Variants in DNAH2 observed in about 807,000 individuals in gnomAD.
DNAH2 encodes the protein dynein axonemal heavy chain 2, also known as axonemal beta dynein heavy chain 2.
Under a neutral mutation model 523.5 loss-of-function variants are expected in DNAH2, and 323 were observed. That is an observed-to-expected ratio of 0.62 (90% confidence interval 0.56 to 0.68). The LOEUF is 0.68. DNAH2 is among the 30% of genes least tolerant of loss of function. DNAH2 has a pLI of 0.00. For missense variants in DNAH2, 4,907 were observed against 5,701.5 expected, an observed-to-expected ratio of 0.86 and a Z score of 4.49; for synonymous variants, 2,093 against 2,177.4, an observed-to-expected ratio of 0.96 and a Z score of 1.08.
At chr17:7,824,961 C>T (rs193220765) in intron 77 of DNAH2, among the ~76,000 whole-genome samples, 8 of 152,284 alleles carry the variant, frequency 5.3e-5, no homozygotes, top group Non-Finnish European at 4.4e-5. Flanking sequence ...TTTATTAACT[C>T]GTTTAATATG....
chr17:7,740,098 G>A (rs561492269), intron 9 of DNAH2, among the ~76,000 whole-genome samples, 160 bp downstream of exon 9: 2 of 145,630 alleles, frequency 1.4e-5, no homozygotes, highest in Admixed American at 1.4e-4. Flanking sequence ...TGCAGGGGAG[G>A]GGGGTGGCAG....
rs2076486878 is a variant in DNAH2, at chr17:7,777,463, G to T, written c.5076G>T (p.Lys1692Asn). The T allele has an allele frequency of 6.2e-7, 1 of 1,614,024 alleles. No homozygotes were observed. Among genetic ancestry groups the T allele is most frequent in the Non-Finnish European group, 8.5e-7 (1 of 1,180,020 alleles). Residue 1692 changes from lysine to asparagine, a missense_variant, in exon 33 of 86, where the codon AAG becomes AAT. Lys to Asn is a moderately conservative substitution (Grantham distance 94, BLOSUM62 0). Coordinates refer to ENST00000572933, the MANE Select transcript of DNAH2 (RefSeq NM_020877.5). ...TGCCACAGGTGTCAATCCTGAATAAGTATTCAGAAGCCATCAGGGGGAACT... is the reference window on the plus strand; with the variant it reads ...TGCCACAGGTGTCAATCCTGAATAATTATTCAGAAGCCATCAGGGGGAACT... The part of the protein sequence containing the change: ...MKKNQVSILN[K>N]YSEAIRGNLT...
chr17:7,759,747 C>A (rs1234790433), intron 16 of DNAH2, 44 bp from the exon 17 acceptor site: 1 of 1,612,602 alleles, frequency 6.2e-7, no homozygotes, highest in East Asian at 2.2e-5. Context: ...GTGACCTTCC[C>A]AGTCCTAAGG....
chr17:7,741,319 C>CTACCTCCTTCCTTCCT (rs2075336496), intron 11 of DNAH2, among the ~76,000 whole-genome samples: 1 of 37,040 alleles, frequency 2.7e-5, no homozygotes, highest in Non-Finnish European at 4.8e-5. Flanking sequence ...CCCTCCCTCC[C>CTACCTCCTTCCTTCCT]TCCCTCCTTC....
rs1313219386 is a variant in DNAH2, at chr17:7,767,943, GGGA to G, written c.3724_3726del (p.Glu1242del). The G allele has an allele frequency of 6.2e-7, 1 of 1,614,008 alleles. No individual in the cohort carries two copies. The highest frequency in any genetic ancestry group is 8.5e-7 in the Non-Finnish European group (1 of 1,180,008). ...CAAATCTGGGAGATCGCACGAGACT[GGGA>G]GGAGAACTGGAATGAGTGGAAGACT... is the stretch of plus-strand genomic sequence containing the variant. On this transcript the variant is annotated inframe_deletion, in exon 23 of 86. Coordinates refer to ENST00000572933, the MANE Select transcript of DNAH2 (RefSeq NM_020877.5).
intron 12 of DNAH2, among the ~76,000 whole-genome samples, chr17:7,745,793 CAAAAA>C (rs5819164): frequency 1.6e-5 from 2 of 123,790 alleles, no homozygotes; most frequent in Admixed American, 8.3e-5. Context: ...CTGTCTCAAA[CAAAAA>C]AAAAAAAAAA....
At position 7,819,333 on chromosome 17, in the gene DNAH2, A is replaced by T. The variant is rs1220522324; in HGVS notation, c.10940A>T (p.Asp3647Val). 1.2e-6 allele frequency: 2 copies of T among 1,614,218 alleles called. No individual in the cohort carries two copies. The highest frequency in any genetic ancestry group is 3.3e-5 in the Admixed American group (2 of 60,026). Reference sequence around the variant, plus strand: ...ATCAGCCTCTTTATTCTCAGCATTGACAAAAGCCACCGCAGCAATAAGCTG... The same window carrying T: ...ATCAGCCTCTTTATTCTCAGCATTGTCAAAAGCCACCGCAGCAATAAGCTG... ...AYISLFILSI[D>V]KSHRSNKLED... Residue 3647 changes from aspartate (D) to valine (V), a missense_variant, in exon 72 of 86, where the codon GAC becomes GTC. Physicochemically the swap from Asp to Val is radical, Grantham distance 152. Around this residue, in one of 3 missense-constraint regions of DNAH2, gnomAD observed 1,851 missense variants for 2,139.4 expected, o/e 0.87. Transcript: ENST00000572933.
chr17:7,786,672 C>A lies in DNAH2; in HGVS notation c.6451C>A (p.Arg2151=), dbSNP rs778867010. The stretch of plus-strand genomic sequence containing the variant: ...AGATGGCATCTTGTCCAGTGTCATG[C>A]GGACGGCATGTGCAGGTATCCAGAG... ...WTDGILSSVM[R]TACADEKPDE... is the part of the protein sequence containing the mutation. Residue 2151 remains arginine, a synonymous_variant, in exon 41 of 86, where the codon CGG becomes AGG. Coordinates refer to ENST00000572933, the MANE Select transcript of DNAH2 (RefSeq NM_020877.5). The surrounding 1 kb of genome is among the most constrained non-coding windows in gnomAD (Gnocchi z 7.5). The A allele has an allele frequency of 6.2e-7, 1 of 1,613,856 alleles. No individual in the cohort carries two copies. Among genetic ancestry groups the A allele is most frequent in the Non-Finnish European group, 8.5e-7 (1 of 1,179,966 alleles).
At chr17:7,805,687 CA>C (rs200534912) in intron 61 of DNAH2, among the ~76,000 whole-genome samples, 3 of 150,446 alleles carry the variant, frequency 2.0e-5, no homozygotes, top group South Asian at 2.1e-4. Flanking sequence ...CCCATCTCTA[CA>C]AAAAAAAATG....
intron 50 of DNAH2, 34 bp downstream of exon 50, chr17:7,796,686 GGCCCA>G (rs1025853629): frequency 7.5e-6 from 12 of 1,590,946 alleles, no homozygotes; most frequent in Non-Finnish European, 9.4e-6. Flanking sequence ...CCTTCTGCTT[GGCCCA>G]GCCTCCGCGG....
intron 44 of DNAH2, among the ~76,000 whole-genome samples, chr17:7,788,751 T>C (rs905516588): frequency 1.3e-5 from 2 of 152,242 alleles, no homozygotes; most frequent in Non-Finnish European, 2.9e-5. Context: ...AATCACTGCC[T>C]ATAAATGGTT....
chr17:7,805,687 C>CAA (rs200534912), intron 61 of DNAH2, among the ~76,000 whole-genome samples: 3 of 150,456 alleles, frequency 2.0e-5, no homozygotes, highest in Non-Finnish European at 4.4e-5. Flanking sequence ...CCCATCTCTA[C>CAA]AAAAAAAAAT....
At chr17:7,778,591 C>CTTAT (rs199828031) in intron 35 of DNAH2, 122 bp downstream of exon 35, 185 of 889,178 alleles carry the variant, frequency 2.1e-4, no homozygotes, top group Middle Eastern at 3.7e-4. Context: ...ACATGTAATT[C>CTTAT]TTATTTATTT....
Position 7,759,071 on chromosome 17 carries a change from G to A in DNAH2, c.2395G>A (p.Val799Met). 3.1e-6 allele frequency: 5 copies of A among 1,614,208 alleles called. No homozygotes were observed. Among genetic ancestry groups the A allele is most frequent in the Non-Finnish European group, 4.2e-6 (5 of 1,180,024 alleles). Residue 799 changes from valine to methionine, a missense_variant, in exon 15 of 86, where the codon GTG becomes ATG. This residue lies in a region of DNAH2 where 2,806 missense variants were observed against 3,190.8 expected (regional missense o/e 0.88). Transcript: ENST00000572933. ...GAAATTGATGAACCTGCACCAGGAT[G>A]TGGTGACCATCATGACCAACTCCTA... ...QQKLMNLHQD[V>M]VTIMTNSYEV...
rs144409789 is a variant in DNAH2, at chr17:7,799,126, G to C, written c.8583G>C (p.Gln2861His). 6.1e-5 allele frequency: 98 copies of C among 1,614,068 alleles called. No homozygotes were observed. The highest frequency in any genetic ancestry group is 4.9e-4 in the Middle Eastern group (3 of 6,084). Reference protein sequence around the residue: ...FEEIQSHIIDQARVEQVPESS... With the variant: ...FEEIQSHIIDHARVEQVPESS... ...AGATCCAGTCGCATATCATAGACCAGGCCCGGGTGGAGCAGGTGCCTGAGT... is the reference window on the plus strand; with the variant it reads ...AGATCCAGTCGCATATCATAGACCACGCCCGGGTGGAGCAGGTGCCTGAGT... The change falls in exon 56 of 86, where the codon CAG becomes CAC. Residue 2861 changes from glutamine to histidine, a missense_variant. Coordinates refer to ENST00000572933, the MANE Select transcript of DNAH2 (RefSeq NM_020877.5).
intron 21 of DNAH2, among the ~76,000 whole-genome samples, chr17:7,765,869 C>G (rs1163163341): frequency 6.6e-6 from 1 of 152,062 alleles, no homozygotes; most frequent in Non-Finnish European, 1.5e-5. Flanking sequence ...CCTCCGCCTC[C>G]CAGGTTCAAA....
At chr17:7,733,000 C>A in intron 4 of DNAH2, 87 bp from the exon 5 acceptor site, 1 of 1,321,716 alleles carries the variant, frequency 7.6e-7, no homozygotes, top group Non-Finnish European at 1.1e-6. Flanking sequence ...CCCTGAGGGA[C>A]GTGAGAAAGA....
intron 46 of DNAH2, 87 bp from the exon 47 acceptor site, chr17:7,792,570 G>A (rs2076928536): frequency 1.7e-6 from 2 of 1,205,372 alleles, no homozygotes; most frequent in Non-Finnish European, 1.2e-6. Context: ...GTGCTGATGA[G>A]ACAGTGGTGA....
rs185136227 is a variant in DNAH2 at position 7,723,468 on chromosome 17, C to T, written c.167-160C>T. ...TGTATTTTTAGTAGAGACGGGGTTTCACTATATTGGCCAGGCTGGTCTCAA... is the reference window on the plus strand; with the variant it reads ...TGTATTTTTAGTAGAGACGGGGTTTTACTATATTGGCCAGGCTGGTCTCAA... On this transcript the variant is annotated intron_variant, in intron 2 of 85. Coordinates refer to ENST00000572933, the MANE Select transcript of DNAH2 (RefSeq NM_020877.5). 6.3e-3 allele frequency among the ~76,000 whole-genome samples: 949 copies of T among 151,834 alleles called. 7 individuals are homozygous for T. The highest frequency in any genetic ancestry group is 0.022 in the African/African-American group (917 of 41,394).
Sources: gnomAD v4.1 joint callset for allele counts (sites outside exome capture counted in the v4.1 genomes callset) on GRCh38, gnomAD v4.1.1 for gene constraint, gnomAD v4.1.1 regional missense constraint, Gnocchi (gnomAD v3.1) non-coding constraint, MANE v1.5 for transcripts, NCBI Gene and HGNC (gene_info 2026-07-23, HGNC 2026-07-21) for gene names.